The following ABLIM3 variants were observed in gnomAD, a reference collection of about 807,000 sequenced individuals.
The protein encoded by ABLIM3 is actin-binding LIM protein 3.
ABLIM3 carries 61 observed loss-of-function variants against 109.5 expected under a neutral mutation model. The observed-to-expected ratio is 0.56, with a 90% confidence interval of 0.45 to 0.69. The LOEUF (loss-of-function observed/expected upper bound fraction) is 0.69. Among genes scored for constraint, ABLIM3 ranks in the 30% least tolerant of loss-of-function variants. ABLIM3 has a pLI of 0.00. For missense variants in ABLIM3, 796 were observed against 889.5 expected (o/e 0.89, Z 1.34); for synonymous variants, 300 against 324.8 (o/e 0.92, Z 0.82).
Position 149,246,511 on chromosome 5 carries a change from G to C in ABLIM3, c.1516G>C (p.Gly506Arg), listed in dbSNP as rs1753373817. Reference sequence around the variant, plus strand: ...CCGAGCCAGAAGGTTCTCGTCTGGAGGAGAGGAGGATGATTTTGACCGCAG... The same window carrying C: ...CCGAGCCAGAAGGTTCTCGTCTGGACGAGAGGAGGATGATTTTGACCGCAG... ...VPRARRFSSG[G>R]EEDDFDRSMH... Residue 506 changes from glycine to arginine, a missense_variant, in exon 17 of 24, where the codon GGA becomes CGA. By Grantham distance (125) the Gly-to-Arg change is moderately radical (BLOSUM62 -2). Transcript: ENST00000309868. The C allele has an allele frequency of 1.2e-6, 2 of 1,614,120 alleles. No homozygotes were observed. The highest frequency in any genetic ancestry group is 2.7e-5 in the African/African-American group (2 of 75,056).
intron 6 of ABLIM3, among the ~76,000 whole-genome samples, chr5:149,209,207 C>T (rs1055840608): frequency 6.6e-6 from 1 of 152,192 alleles, no homozygotes; most frequent in Non-Finnish European, 1.5e-5. Context: ...TCAGAGTTCT[C>T]TAGGGACTTA....
At chr5:149,220,330 G>A (rs1670148774) in intron 8 of ABLIM3, 2 of 152,192 alleles carry the variant, frequency 1.3e-5, no homozygotes, top group Admixed American at 1.3e-4. Flanking sequence ...TCCTGAGAGA[G>A]AATGCACCAT....
chr5:149,155,059 A>T (rs998496049), intron 2 of ABLIM3, among the ~76,000 whole-genome samples: 6 of 152,242 alleles, frequency 3.9e-5, no homozygotes, highest in Admixed American at 3.3e-4. Flanking sequence ...TCCTCATTTT[A>T]CATAAAAGGA....
chr5:149,230,628 G>A lies in ABLIM3; in HGVS notation c.758-21G>A, dbSNP rs373461392. 206 of 1,613,654 alleles carry A rather than the reference G, an allele frequency of 1.3e-4. 1 individual carries two copies. Among genetic ancestry groups the A allele is most frequent in the Non-Finnish European group, 1.6e-4 (191 of 1,179,784 alleles). ...GAGGGTTTGAAAGGTCTGAGTCTTCGTTATTTTCATGACCCCTTAGGTTCC... is the reference window on the plus strand; with the variant it reads ...GAGGGTTTGAAAGGTCTGAGTCTTCATTATTTTCATGACCCCTTAGGTTCC... On this transcript the variant is annotated intron_variant, in intron 8 of 23. Coordinates refer to ENST00000309868, the MANE Select transcript of ABLIM3 (RefSeq NM_014945.5).
chr5:149,247,832 G>A lies in ABLIM3; in HGVS notation c.1602G>A (p.Arg534=), dbSNP rs377024204. Residue 534 remains arginine (R), a synonymous_variant, in exon 18 of 24, where the codon CGG becomes CGA. Transcript: ENST00000309868. ...TTCTGAAGGAAGAAATGAAGGCCCG[G>A]TCGAGCTCCTATGCAGATCCCTGGA... ...RLILKEEMKA[R]SSSYADPWTP... The A allele has an allele frequency of 1.2e-6, 2 of 1,614,260 alleles. No individual in the cohort carries two copies. The highest frequency in any genetic ancestry group is 1.6e-4 in the Middle Eastern group (1 of 6,062).
intron 21 of ABLIM3, among the ~76,000 whole-genome samples, chr5:149,251,998 C>T (rs1753974306): frequency 6.6e-6 from 1 of 152,210 alleles, no homozygotes; most frequent in African/African-American, 2.4e-5. Context: ...AGCCCAACCC[C>T]TATCTTCAGC....
intron 16 of ABLIM3, 45 bp downstream of exon 16, chr5:149,245,060 G>A (rs1279266381): frequency 5.0e-6 from 8 of 1,612,930 alleles, no homozygotes; most frequent in Middle Eastern, 1.7e-4. Flanking sequence ...TAACACCTGT[G>A]CCAAGGACAC....
At chr5:149,163,625 G>T (rs1754577390) in intron 2 of ABLIM3, among the ~76,000 whole-genome samples, 1 of 152,164 alleles carries the variant, frequency 6.6e-6, no homozygotes, top group South Asian at 2.1e-4. Flanking sequence ...CTCTTATAAG[G>T]ACACCAGTCA....
chr5:149,160,786 T>C (rs1754284295), intron 2 of ABLIM3, among the ~76,000 whole-genome samples: 1 of 152,194 alleles, frequency 6.6e-6, no homozygotes, highest in Admixed American at 6.5e-5. Flanking sequence ...GGCTGTAAGC[T>C]GGGGGTTCTG....
intron 4 of ABLIM3, among the ~76,000 whole-genome samples, chr5:149,199,574 G>A (rs4277904): frequency 0.67 from 102,431 of 152,126 alleles, 34,712 homozygotes; most frequent in African/African-American, 0.74. Context: ...GCTAGTGGCT[G>A]AGCCACGATA....
chr5:149,143,066 TAGAA>T (rs1752630224), intron 2 of ABLIM3, among the ~76,000 whole-genome samples: 1 of 152,098 alleles, frequency 6.6e-6, no homozygotes, highest in Admixed American at 6.5e-5. Context: ...GGGGTTGAAT[TAGAA>T]AGCCTTCTAA....
chr5:149,142,603 G>T (rs1010432473), intron 2 of ABLIM3, among the ~76,000 whole-genome samples: 1 of 152,192 alleles, frequency 6.6e-6, no homozygotes, highest in African/African-American at 2.4e-5. Context: ...TGGGTCTGGA[G>T]ATTGTGAAAG....
intron 13 of ABLIM3, chr5:149,240,373 A>T (rs146584774): frequency 2.2e-6 from 1 of 457,930 alleles, no homozygotes; most frequent in East Asian, 3.9e-5. Flanking sequence ...AGGTTCAAGG[A>T]TGGTTGGGGA....
intron 2 of ABLIM3, among the ~76,000 whole-genome samples, chr5:149,156,568 G>A (rs1189653776): frequency 6.6e-6 from 1 of 152,226 alleles, no homozygotes; most frequent in African/African-American, 2.4e-5. Context: ...AAGAAGAGTG[G>A]TATATATATT....
At chr5:149,235,022 G>A (rs903428315) in intron 10 of ABLIM3, among the ~76,000 whole-genome samples, 91 of 152,158 alleles carry the variant, frequency 6.0e-4, no homozygotes, top group Non-Finnish European at 2.9e-5. Flanking sequence ...ATTTATGATG[G>A]CAGCTAGGAA....
At chr5:149,256,373 AG>A (rs1472677415) in intron 23 of ABLIM3, among the ~76,000 whole-genome samples, 1 of 152,232 alleles carries the variant, frequency 6.6e-6, no homozygotes, top group Non-Finnish European at 1.5e-5. Flanking sequence ...GGAGCAGAGA[AG>A]GGGACTCTCC....
chr5:149,226,410 G>T (rs1256750145), intron 8 of ABLIM3, among the ~76,000 whole-genome samples: 1 of 151,926 alleles, frequency 6.6e-6, no homozygotes, highest in Non-Finnish European at 1.5e-5. Context: ...GCTTGAACCT[G>T]GGGGCAGAGG....
At chr5:149,164,647 A>G (rs1337450705) in intron 2 of ABLIM3, among the ~76,000 whole-genome samples, 1 of 152,186 alleles carries the variant, frequency 6.6e-6, no homozygotes, top group Non-Finnish European at 1.5e-5. Flanking sequence ...ATCAGGATTG[A>G]GAATGCATCC....
intron 2 of ABLIM3, among the ~76,000 whole-genome samples, chr5:149,157,183 G>T (rs188731139): frequency 1.3e-5 from 2 of 152,152 alleles, no homozygotes; most frequent in African/African-American, 4.8e-5. Context: ...TTCTCAAGTG[G>T]CCATTAAATG....
Sources: allele counts gnomAD v4.1 joint callset (sites outside exome capture counted in the v4.1 genomes callset), GRCh38; gene constraint gnomAD v4.1.1; transcripts MANE v1.5; gene names NCBI Gene and HGNC (gene_info 2026-07-23, HGNC 2026-07-21).